TASP1: variants seen among roughly 807,000 people sequenced by gnomAD.
TASP1 encodes threonine aspartase 1.
TASP1 carries 16 observed loss-of-function variants against 56.6 expected under a neutral mutation model. The ratio of observed to expected loss-of-function variants is 0.28; its 90% confidence interval spans 0.19 to 0.43. The LOEUF (loss-of-function observed/expected upper bound fraction) is 0.43, where lower values mean the gene tolerates loss of function less well. TASP1 is among the 20% of genes least tolerant of loss of function. The pLI, the probability that TASP1 is intolerant of heterozygous loss-of-function variation, is 1.00. For missense variants in TASP1, 393 were observed against 511.6 expected (o/e 0.77, Z 2.24); for synonymous variants, 179 against 184.2 (o/e 0.97, Z 0.23).
chr20:13,215,499 G>T, the TASP1 span, among the ~76,000 whole-genome samples: 1 of 152,162 alleles, frequency 6.6e-6, no homozygotes. Flanking sequence ...GAACTATAAG[G>T]GTTGGCTATT....
chr20:13,621,551 G>T (rs561588725), intron 4 of TASP1, among the ~76,000 whole-genome samples: 1 of 152,052 alleles, frequency 6.6e-6, no homozygotes, highest in East Asian at 1.9e-4. Flanking sequence ...AAAAATAATA[G>T]AACAAGAAAT....
chr20:13,403,433 C>T (rs1443742556), intron 13 of TASP1, among the ~76,000 whole-genome samples: 1 of 152,190 alleles, frequency 6.6e-6, no homozygotes, highest in Non-Finnish European at 1.5e-5. Context: ...CTTCCACCAT[C>T]ACCTCCTTCC....
At chr20:13,327,829 G>C in the TASP1 span, among the ~76,000 whole-genome samples, 1 of 152,170 alleles carries the variant, frequency 6.6e-6, no homozygotes, top group Non-Finnish European at 1.5e-5. Flanking sequence ...AGACTTAAAT[G>C]TAAAACCCAA....
At chr20:13,500,824 A>T (rs1269829536) in intron 10 of TASP1, among the ~76,000 whole-genome samples, 2 of 152,078 alleles carry the variant, frequency 1.3e-5, no homozygotes, top group Admixed American at 1.3e-4. Flanking sequence ...AAGAGAGAAC[A>T]CGCCAGAATA....
the TASP1 span, among the ~76,000 whole-genome samples, chr20:13,109,849 G>C: frequency 3.3e-5 from 5 of 152,116 alleles, no homozygotes; most frequent in African/African-American, 1.2e-4. Flanking sequence ...GGCGGGGAGA[G>C]CCTTTAAGAG....
At chr20:13,616,985 C>G in intron 4 of TASP1, 1 of 447,266 alleles carries the variant, frequency 2.2e-6, no homozygotes, top group South Asian at 1.6e-5. Flanking sequence ...CTCCCATCTG[C>G]GTACAGCTCT....
the TASP1 span, among the ~76,000 whole-genome samples, chr20:13,162,590 G>A: frequency 6.6e-6 from 1 of 152,166 alleles, no homozygotes; most frequent in Non-Finnish European, 1.5e-5. Context: ...TTAGACAAAT[G>A]CACTCTGCGA....
chr20:13,218,815 T>C, the TASP1 span, among the ~76,000 whole-genome samples: 3 of 152,250 alleles, frequency 2.0e-5, no homozygotes, highest in African/African-American at 7.2e-5. Flanking sequence ...ATGTGCTTAC[T>C]GGAACATAAA....
At chr20:13,178,004 C>T in the TASP1 span, among the ~76,000 whole-genome samples, 1 of 152,010 alleles carries the variant, frequency 6.6e-6, no homozygotes, top group South Asian at 2.1e-4. Context: ...AAACTACTTA[C>T]CTGACAGAGA....
chr20:13,357,546 G>A, the TASP1 span, among the ~76,000 whole-genome samples: 3 of 152,122 alleles, frequency 2.0e-5, no homozygotes, highest in African/African-American at 4.8e-5. Flanking sequence ...AAGGGGACGT[G>A]ATAAAAATGG....
the TASP1 span, among the ~76,000 whole-genome samples, chr20:13,317,930 A>G: frequency 6.6e-6 from 1 of 151,984 alleles, no homozygotes; most frequent in Admixed American, 6.6e-5. Flanking sequence ...CGTGGAAAAA[A>G]AAGTGTTGGT....
At chr20:13,201,299 G>A in the TASP1 span, among the ~76,000 whole-genome samples, 3 of 152,144 alleles carry the variant, frequency 2.0e-5, no homozygotes, top group Admixed American at 2.0e-4. Flanking sequence ...TAGAGACCTG[G>A]CTGAGAGGGC....
intron 11 of TASP1, among the ~76,000 whole-genome samples, chr20:13,463,640 A>G (rs1245511342): frequency 6.6e-6 from 1 of 152,142 alleles, no homozygotes; most frequent in Non-Finnish European, 1.5e-5. Context: ...ATATACAAAG[A>G]ACTTTTACAA....
the TASP1 span, among the ~76,000 whole-genome samples, chr20:13,233,922 A>G: frequency 6.6e-6 from 1 of 152,176 alleles, no homozygotes; most frequent in African/African-American, 2.4e-5. Context: ...ATAAAATAAG[A>G]GTTTTAAGCC....
At chr20:13,607,858 T>G (rs2048213474) in intron 4 of TASP1, among the ~76,000 whole-genome samples, 1 of 152,098 alleles carries the variant, frequency 6.6e-6, no homozygotes, top group African/African-American at 2.4e-5. Context: ...TCTCAGCTAC[T>G]CAGAAGGCTG....
chr20:13,117,493 CCTT>C, the TASP1 span: 2 of 1,561,578 alleles, frequency 1.3e-6, no homozygotes, highest in Non-Finnish European at 1.7e-6. Context: ...GAGCATTTCT[CCTT>C]CTGCCCTAGC....
intron 6 of TASP1, among the ~76,000 whole-genome samples, chr20:13,571,381 C>T (rs1393350095): frequency 6.6e-6 from 1 of 152,198 alleles, no homozygotes; most frequent in African/African-American, 2.4e-5. Context: ...ACATTGAATG[C>T]AGCACCGATT....
intron 11 of TASP1, among the ~76,000 whole-genome samples, chr20:13,479,869 G>A (rs2146491455): frequency 6.6e-6 from 1 of 152,258 alleles, no homozygotes; most frequent in African/African-American, 2.4e-5. Flanking sequence ...GAGCTGGAAG[G>A]AATTTTAGAA....
the TASP1 span, among the ~76,000 whole-genome samples, chr20:13,177,013 G>A: frequency 2.0e-5 from 3 of 152,190 alleles, no homozygotes; most frequent in Non-Finnish European, 4.4e-5. Context: ...GCTGAGGCAG[G>A]TGAATCACTT....
Sources: allele counts gnomAD v4.1 joint callset (sites outside exome capture counted in the v4.1 genomes callset), GRCh38; gene constraint gnomAD v4.1.1; transcripts MANE v1.5; gene names NCBI Gene and HGNC (gene_info 2026-07-23, HGNC 2026-07-21).